The following GLYATL2 variants were observed in gnomAD, a reference collection of about 807,000 sequenced individuals.
GLYATL2 encodes glycine N-acyltransferase-like protein 2.
In GLYATL2, 25 loss-of-function variants were observed where a neutral mutation model predicts 21.4. That is an observed-to-expected ratio of 1.17 (90% CI 0.85 to 1.63). The LOEUF (loss-of-function observed/expected upper bound fraction) is 1.63, where lower values mean the gene tolerates loss of function less well. Among genes scored for constraint, GLYATL2 ranks in the 40% most tolerant of loss-of-function variants. The pLI is 0.00. For synonymous variants in GLYATL2, 114 were observed against 118.2 expected, an observed-to-expected ratio of 0.96 and a Z score of 0.23; for missense variants, 361 against 343.3, an observed-to-expected ratio of 1.05 and a Z score of -0.41.
intron 1 of GLYATL2, among the ~76,000 whole-genome samples, chr11:58,874,228 T>C (rs1854183045): frequency 2.0e-5 from 3 of 152,320 alleles, no homozygotes; most frequent in Non-Finnish European, 1.5e-5. Context: ...TGTTGACCTT[T>C]TCAAAAAACC....
At chr11:58,908,470 A>C (rs1278409621), upstream of GLYATL2, 1 of 199,540 alleles carries the variant, frequency 5.0e-6, no homozygotes, top group East Asian at 1.2e-4. Context: ...ACTCATCATG[A>C]ATTCCATGAA....
upstream of GLYATL2, among the ~76,000 whole-genome samples, chr11:58,848,454 T>C (rs1379835006): frequency 1.3e-5 from 2 of 152,042 alleles, no homozygotes; most frequent in African/African-American, 4.8e-5. Flanking sequence ...AAACTTAAGA[T>C]AACACAGAGA....
At chr11:58,908,635 T>A (rs947791824), upstream of GLYATL2, 9 of 153,500 alleles carry the variant, frequency 5.9e-5, no homozygotes, top group African/African-American at 1.9e-4. Flanking sequence ...TCCTAAAGAA[T>A]AATAGTTATA....
Position 58,834,285 on chromosome 11 carries a change from G to T in GLYATL2, c.*144C>A. The T allele has an allele frequency of 3.5e-6, 2 of 570,400 alleles. No homozygotes were observed. Among genetic ancestry groups the T allele is most frequent in the Non-Finnish European group, 5.8e-6 (2 of 347,706 alleles). 35.3% of individuals were successfully genotyped at this position (570,400 alleles called of 1,614,324 possible). A position where few individuals can be genotyped will look rare whatever the true frequency, so the allele number is the denominator to read the frequency against. On this transcript the variant is annotated 3_prime_UTR_variant, in exon 6 of 6. Coordinates refer to ENST00000287275, the MANE Select transcript of GLYATL2 (RefSeq NM_145016.4). ...CTGTAAGAATACAGAGGAGAAGGAAGGTAAAACTGTTAAGGGTGAGCTTAA... is the reference window on the plus strand; with the variant it reads ...CTGTAAGAATACAGAGGAGAAGGAATGTAAAACTGTTAAGGGTGAGCTTAA...
chr11:58,860,997 C>T (rs1853921291), intron 1 of GLYATL2, among the ~76,000 whole-genome samples: 1 of 152,000 alleles, frequency 6.6e-6, no homozygotes, highest in African/African-American at 2.4e-5. Context: ...GATTAGTTTG[C>T]TAGTATTAAT....
rs1554980634 is a variant in GLYATL2 at position 58,894,476 on chromosome 11, CA to C, written n.60+9679del. ...ATTACTGTGAACATTGCAGCTATAG[CA>C]AAAAAAAAAAAAAAAAGCATTTTCA... On this transcript the variant is annotated intron_variant and non_coding_transcript_variant, in intron 1 of 4. Coordinates refer to the GLYATL2 transcript ENST00000533636. 4.8e-4 allele frequency among the ~76,000 whole-genome samples: 56 copies of C among 116,554 alleles called. 1 individual carries two copies. Among genetic ancestry groups the C allele is most frequent in the African/African-American group, 1.1e-3 (33 of 31,098 alleles). 76.5% of individuals were successfully genotyped at this position (116,554 alleles called of 152,430 possible).
At chr11:58,836,874 C>T (rs1483215647) in intron 5 of GLYATL2, 141 bp downstream of exon 5, 2 of 737,250 alleles carry the variant, frequency 2.7e-6, no homozygotes, top group South Asian at 1.8e-5. Flanking sequence ...TACACAGTTG[C>T]TAACATAACT....
chr11:58,887,676 A>G (rs989749404), intron 1 of GLYATL2, among the ~76,000 whole-genome samples: 6 of 152,156 alleles, frequency 3.9e-5, no homozygotes, highest in African/African-American at 1.2e-4. Context: ...CAGCATTAAC[A>G]TATTCATTTT....
At chr11:58,865,157 A>AAG (rs1854003070) in intron 1 of GLYATL2, among the ~76,000 whole-genome samples, 1 of 147,606 alleles carries the variant, frequency 6.8e-6, no homozygotes, top group Non-Finnish European at 1.5e-5. Context: ...TGCAAAAAAA[A>AAG]GGAAAGTTAA....
chr11:58,905,350 C>T (rs2134634022), upstream of GLYATL2: 2 of 411,956 alleles, frequency 4.9e-6, no homozygotes, highest in Non-Finnish European at 9.8e-6. Flanking sequence ...GCCTCTGCAT[C>T]ATCAGGGTGG....
intron 1 of GLYATL2, among the ~76,000 whole-genome samples, chr11:58,843,515 G>T (rs1479472960): frequency 3.9e-5 from 6 of 152,144 alleles, no homozygotes; most frequent in Non-Finnish European, 8.8e-5. Flanking sequence ...ACCAAGGTTG[G>T]TTTTTTCAGG....
Position 58,864,334 on chromosome 11 carries a change from G to A in GLYATL2, n.61-25966C>T, listed in dbSNP as rs189754646. Among the ~76,000 whole-genome samples, 809 of 122,572 alleles carry A rather than the reference G, an allele frequency of 6.6e-3. 22 individuals carry two copies. Among genetic ancestry groups the A allele is most frequent in the African/African-American group, 0.021 (777 of 37,876 alleles). The allele number at this position is 122,572 out of a possible 152,430, so 80.4% of individuals were successfully genotyped here. On this transcript the variant is annotated intron_variant and non_coding_transcript_variant, in intron 1 of 4. Transcript: ENST00000533636. ...GCTGGCCTGGTCCCAGGGACCATCT[G>A]ACACCTATGGCACTGGGGTAGATCT...
intron 1 of GLYATL2, among the ~76,000 whole-genome samples, chr11:58,863,603 G>A (rs1853970810): frequency 6.6e-6 from 1 of 152,182 alleles, no homozygotes; most frequent in Admixed American, 6.5e-5. Flanking sequence ...GGGATGGGGT[G>A]GGGCCAGTCT....
chr11:58,851,011 C>T (rs1853731655), intron 1 of GLYATL2, among the ~76,000 whole-genome samples: 1 of 152,180 alleles, frequency 6.6e-6, no homozygotes, highest in Non-Finnish European at 1.5e-5. Flanking sequence ...ATGGCATAAG[C>T]TGTACTCTCT....
intron 1 of GLYATL2, among the ~76,000 whole-genome samples, chr11:58,871,103 G>A (rs1854110158): frequency 2.0e-5 from 3 of 152,126 alleles, no homozygotes; most frequent in African/African-American, 7.2e-5. Context: ...TGGGTGGAGA[G>A]GGTGGATAAG....
chr11:58,868,083 G>A (rs1854051867), intron 1 of GLYATL2, among the ~76,000 whole-genome samples: 1 of 148,870 alleles, frequency 6.7e-6, no homozygotes, highest in African/African-American at 2.4e-5. Context: ...GGAGCCTACA[G>A]ATGGGAGAGG....
intron 1 of GLYATL2, among the ~76,000 whole-genome samples, chr11:58,859,416 C>CAG (rs756614655): frequency 1.4e-4 from 21 of 151,352 alleles, no homozygotes; most frequent in East Asian, 3.9e-4. Flanking sequence ...AAAAAAAACT[C>CAG]AGAGAGAGAG....
intron 1 of GLYATL2, among the ~76,000 whole-genome samples, chr11:58,855,729 T>C (rs1395161277): frequency 6.6e-6 from 1 of 152,276 alleles, no homozygotes; most frequent in East Asian, 1.9e-4. Context: ...GGGAATTTGT[T>C]GTTTGGTGTA....
At chr11:58,884,511 C>A (rs894434384) in intron 1 of GLYATL2, among the ~76,000 whole-genome samples, 1 of 152,010 alleles carries the variant, frequency 6.6e-6, no homozygotes, top group East Asian at 1.9e-4. Context: ...ACAAGGGATG[C>A]GAGGGCTGAT....
Sources: gnomAD v4.1 joint callset for allele counts (sites outside exome capture counted in the v4.1 genomes callset) on GRCh38, gnomAD v4.1.1 for gene constraint, MANE v1.5 for transcripts, NCBI Gene and HGNC (gene_info 2026-07-23, HGNC 2026-07-21) for gene names.